The following TLL1 variants were observed in gnomAD, a reference collection of about 807,000 sequenced individuals.
TLL1 encodes the protein tolloid like 1.
A neutral mutation model predicts 128.2 loss-of-function variants in TLL1; 49 were observed. The observed-to-expected ratio is 0.38, with a 90% CI of 0.30 to 0.48. The LOEUF (loss-of-function observed/expected upper bound fraction) is 0.48. Among genes scored for constraint, TLL1 ranks in the 20% least tolerant of loss-of-function variants. The pLI, the probability that TLL1 is intolerant of heterozygous loss-of-function variation, is 0.96. For missense variants in TLL1, 1,123 were observed against 1,242.0 expected (o/e 0.90, Z 1.44); for synonymous variants, 454 against 418.8 (o/e 1.08, Z -1.03).
intron 1 of TLL1, among the ~76,000 whole-genome samples, chr4:165,886,476 G>T (rs1359342249): frequency 6.6e-6 from 1 of 152,094 alleles, no homozygotes; most frequent in Admixed American, 6.6e-5. Flanking sequence ...TTCAAAATCT[G>T]CTAGAAAAAA....
At chr4:166,087,052 G>T (rs546624155) in intron 18 of TLL1, among the ~76,000 whole-genome samples, 1 of 152,106 alleles carries the variant, frequency 6.6e-6, no homozygotes, top group Non-Finnish European at 1.5e-5. Flanking sequence ...TGTTATCCCT[G>T]TTTTTATCCT....
At chr4:165,922,574 TCATTA>T in intron 1 of TLL1, among the ~76,000 whole-genome samples, 1 of 152,224 alleles carries the variant, frequency 6.6e-6, no homozygotes, top group East Asian at 1.9e-4. Flanking sequence ...GACTTACAAG[TCATTA>T]CATGACACTG....
At chr4:165,918,395 A>T (rs1732879972) in intron 1 of TLL1, among the ~76,000 whole-genome samples, 1 of 152,174 alleles carries the variant, frequency 6.6e-6, no homozygotes. Flanking sequence ...GGTTTTTAAC[A>T]CTTGCTGCAC....
chr4:165,911,943 T>G (rs1193676160), intron 1 of TLL1, among the ~76,000 whole-genome samples: 1 of 152,178 alleles, frequency 6.6e-6, no homozygotes, highest in African/African-American at 2.4e-5. Flanking sequence ...TGGCATGATC[T>G]TGGCTCACTG....
intron 1 of TLL1, among the ~76,000 whole-genome samples, chr4:165,942,954 C>T (rs532081737): frequency 6.6e-6 from 1 of 152,144 alleles, no homozygotes; most frequent in East Asian, 1.9e-4. Context: ...GATATTTTCA[C>T]TGAGAATATT....
chr4:166,070,913 G>C (rs1458981708), intron 16 of TLL1, among the ~76,000 whole-genome samples: 1 of 151,852 alleles, frequency 6.6e-6, no homozygotes, highest in Non-Finnish European at 1.5e-5. Flanking sequence ...CAACTTTCTT[G>C]TATGATTTTG....
At chr4:165,974,512 T>C (rs573534532) in intron 1 of TLL1, among the ~76,000 whole-genome samples, 50 of 152,208 alleles carry the variant, frequency 3.3e-4, no homozygotes, top group Non-Finnish European at 5.4e-4. Context: ...GAAGGTTATC[T>C]GGCTTTCACT....
intron 12 of TLL1, among the ~76,000 whole-genome samples, chr4:166,050,517 G>A (rs1472213082): frequency 1.3e-5 from 2 of 152,102 alleles, no homozygotes; most frequent in Non-Finnish European, 2.9e-5. Flanking sequence ...GGGAGCATGG[G>A]ATACCTTTTA....
intron 1 of TLL1, among the ~76,000 whole-genome samples, chr4:165,879,240 G>T (rs1730873649): frequency 6.6e-6 from 1 of 152,084 alleles, no homozygotes; most frequent in South Asian, 2.1e-4. Flanking sequence ...GCACCCGGCT[G>T]ACAGTTTCCT....
At chr4:165,929,570 G>A (rs2110902748) in intron 1 of TLL1, among the ~76,000 whole-genome samples, 1 of 151,700 alleles carries the variant, frequency 6.6e-6, no homozygotes, top group South Asian at 2.1e-4. Flanking sequence ...AATTTTACTT[G>A]AGTTTTTCCT....
chr4:165,917,283 C>A (rs1472739428), intron 1 of TLL1, among the ~76,000 whole-genome samples: 1 of 152,090 alleles, frequency 6.6e-6, no homozygotes, highest in Non-Finnish European at 1.5e-5. Flanking sequence ...AAAGTGATTT[C>A]TCCATTACTC....
At chr4:165,967,144 G>C (rs1339259301) in intron 1 of TLL1, among the ~76,000 whole-genome samples, 2 of 152,182 alleles carry the variant, frequency 1.3e-5, no homozygotes, top group African/African-American at 2.4e-5. Flanking sequence ...TTTGTAAGAA[G>C]AGAAATATGA....
chr4:166,068,295 A>G (rs983134404), intron 16 of TLL1, among the ~76,000 whole-genome samples: 7 of 151,818 alleles, frequency 4.6e-5, no homozygotes, highest in Admixed American at 6.6e-5. Flanking sequence ...ATTTAGGTGA[A>G]TAAATATCCT....
At position 165,937,180 on chromosome 4, in the gene TLL1, C is replaced by T. The variant is rs73860894; in HGVS notation, c.170-52201C>T. Among the ~76,000 whole-genome samples the T allele has an allele frequency of 3.5e-3, 528 of 152,242 alleles. 4 individuals carry two copies. Among genetic ancestry groups the T allele is most frequent in the African/African-American group, 0.012 (482 of 41,554 alleles). On this transcript the variant is annotated intron_variant, in intron 1 of 20. Coordinates refer to ENST00000061240, the MANE Select transcript of TLL1 (RefSeq NM_012464.5). ...CATGCTCCAAGATCCCTTCATTTAT[C>T]ATTTATTACTGTTTCTTAGTCTATT...
In TLL1 at chr4:166,068,016, T is replaced by C. The variant is rs574436214; in HGVS notation, c.2188+2153T>C. 5.9e-5 allele frequency among the ~76,000 whole-genome samples: 9 copies of C among 151,932 alleles called. No homozygotes were observed. The South Asian group carries it at 1.9e-3, about 32-fold the overall frequency. ...ACAGCAGATATAATTTTCCCTTCTT[T>C]ATTAGATTATTGTTTTGTAAAGTCC... On this transcript the variant is annotated intron_variant, in intron 16 of 20. Coordinates refer to ENST00000061240, the MANE Select transcript of TLL1 (RefSeq NM_012464.5).
chr4:166,068,963 A>G (rs1339106597), intron 16 of TLL1, among the ~76,000 whole-genome samples: 1 of 151,734 alleles, frequency 6.6e-6, no homozygotes, highest in Non-Finnish European at 1.5e-5. Context: ...AAAAATACCA[A>G]GAATGCTTGG....
chr4:166,024,463 G>T (rs907914799), intron 8 of TLL1, among the ~76,000 whole-genome samples: 8 of 152,114 alleles, frequency 5.3e-5, no homozygotes, highest in African/African-American at 1.7e-4. Flanking sequence ...AAAGAGGACT[G>T]GCTGCAGTGG....
chr4:166,060,291 A>G lies in TLL1; in HGVS notation c.2007+103A>G, dbSNP rs1057064300. On this transcript the variant is annotated intron_variant, in intron 15 of 20. Coordinates refer to ENST00000061240, the MANE Select transcript of TLL1 (RefSeq NM_012464.5). ...AAAGATGTAGTAAAATAGTATAGAC[A>G]TTGTATTCTTTCTTTGTCTTACTGC... The G allele has an allele frequency of 3.1e-6, 4 of 1,274,134 alleles. No homozygotes were observed. The African/African-American group carries it at 4.5e-5, about 14-fold the overall frequency. The allele number at this position is 1,274,134 out of a possible 1,614,324, so 78.9% of individuals were successfully genotyped here.
intron 1 of TLL1, among the ~76,000 whole-genome samples, chr4:165,955,254 A>G (rs1473944462): frequency 2.0e-5 from 3 of 152,030 alleles, no homozygotes; most frequent in Non-Finnish European, 4.4e-5. Flanking sequence ...AAGAAAAAAG[A>G]AATTATAAAA....
Sources: allele counts gnomAD v4.1 joint callset (sites outside exome capture counted in the v4.1 genomes callset), GRCh38; gene constraint gnomAD v4.1.1; transcripts MANE v1.5; gene names NCBI Gene and HGNC (gene_info 2026-07-23, HGNC 2026-07-21).